Variants in ABAT observed in about 807,000 individuals in gnomAD.
The protein encoded by ABAT is 4-aminobutyrate aminotransferase, mitochondrial.
ABAT carries 45 observed loss-of-function variants against 64.6 expected under a neutral mutation model. The observed-to-expected ratio is 0.70, with a 90% CI of 0.55 to 0.89. The LOEUF (loss-of-function observed/expected upper bound fraction) is 0.89. Ranked by LOEUF, ABAT falls within the 40% of genes least tolerant of loss-of-function variation. The probability of loss-of-function intolerance (pLI) is 0.00; values close to 1 mark genes in which losing one functional copy is unlikely to be tolerated. For synonymous variants in ABAT, 297 were observed against 250.5 expected, an observed-to-expected ratio of 1.19 and a Z score of -1.75; for missense variants, 633 against 658.4, an observed-to-expected ratio of 0.96 and a Z score of 0.42.
chr16:8,709,190 C>T (rs753087860), intron 1 of ABAT, among the ~76,000 whole-genome samples: 5 of 151,940 alleles, frequency 3.3e-5, no homozygotes, highest in Non-Finnish European at 5.9e-5. Context: ...ATAGAATTAA[C>T]ATTAATTTCT....
chr16:8,754,792 C>T (rs1230726556), intron 5 of ABAT, among the ~76,000 whole-genome samples: 3 of 151,454 alleles, frequency 2.0e-5, no homozygotes. Context: ...AATCTCAGCT[C>T]ACTACAACCT....
intron 1 of ABAT, among the ~76,000 whole-genome samples, chr16:8,717,091 A>G (rs2058235559): frequency 6.6e-6 from 1 of 152,184 alleles, no homozygotes; most frequent in African/African-American, 2.4e-5. Context: ...GGAGTTTGAG[A>G]CCAGCCTGAC....
chr16:8,778,484 C>T (rs2041792704), intron 14 of ABAT, among the ~76,000 whole-genome samples: 1 of 152,030 alleles, frequency 6.6e-6, no homozygotes, highest in Non-Finnish European at 1.5e-5. Flanking sequence ...ATAAAGATAC[C>T]AGTCATTGAG....
intron 1 of ABAT, among the ~76,000 whole-genome samples, chr16:8,687,206 G>A (rs950954173): frequency 3.3e-5 from 5 of 152,120 alleles, no homozygotes; most frequent in Non-Finnish European, 2.9e-5. Context: ...GCCCTCCCAC[G>A]GAGCAGGTGC....
chr16:8,754,179 TAAAAAAAAAAAA>T (rs750745519), intron 5 of ABAT, among the ~76,000 whole-genome samples: 1 of 63,822 alleles, frequency 1.6e-5, no homozygotes, highest in African/African-American at 5.5e-5. Context: ...ACCCTGTCTA[TAAAAAAAAAAAA>T]AAAAAAAAAA....
chr16:8,738,300 G>A (rs886931442), intron 2 of ABAT: 21 of 411,076 alleles, frequency 5.1e-5, no homozygotes, highest in Non-Finnish European at 9.1e-5. Context: ...CAGCCTGGGT[G>A]GCCTTGTCTT....
At chr16:8,732,196 G>GTTTTTTT (rs746087281) in intron 1 of ABAT, among the ~76,000 whole-genome samples, 12 of 18,622 alleles carry the variant, frequency 6.4e-4, no homozygotes, top group East Asian at 3.1e-3. Context: ...GGTTTTTTTT[G>GTTTTTTT]TTTTTTTTTT....
chr16:8,707,990 A>T (rs2057986466), intron 1 of ABAT, among the ~76,000 whole-genome samples: 1 of 152,184 alleles, frequency 6.6e-6, no homozygotes, highest in African/African-American at 2.4e-5. Context: ...TGTCATGATT[A>T]AAATCAGTGG....
At chr16:8,712,747 G>A (rs957454059) in intron 1 of ABAT, 1 of 152,140 alleles carries the variant, frequency 6.6e-6, no homozygotes, top group Admixed American at 6.6e-5. Flanking sequence ...CCGGTATCTG[G>A]CTTGTAATAA....
At chr16:8,724,890 A>G (rs991890820) in intron 1 of ABAT, among the ~76,000 whole-genome samples, 4 of 150,774 alleles carry the variant, frequency 2.7e-5, no homozygotes, top group Non-Finnish European at 5.9e-5. Flanking sequence ...CCCATCTACA[A>G]AAGACAGCCA....
chr16:8,728,407 C>T (rs1410610579), intron 1 of ABAT, among the ~76,000 whole-genome samples: 5 of 152,146 alleles, frequency 3.3e-5, no homozygotes, highest in East Asian at 1.9e-4. Context: ...GTTTCAAAAA[C>T]GTGTTTAATG....
Position 8,781,059 on chromosome 16 carries a change from A to G in ABAT, c.1382-250A>G, listed in dbSNP as rs1596475396. Among the ~76,000 whole-genome samples the G allele has an allele frequency of 6.6e-6, 1 of 152,054 alleles. No individual in the cohort carries two copies. Among genetic ancestry groups the G allele is most frequent in the Non-Finnish European group, 1.5e-5 (1 of 68,002 alleles). On this transcript the variant is annotated intron_variant, in intron 15 of 15. Coordinates refer to ENST00000268251, the MANE Select transcript of ABAT (RefSeq NM_020686.6). This position sits in a 1 kb window ranked among gnomAD's most constrained non-coding sequence, Gnocchi z 4.5. Reference sequence around the variant, plus strand: ...AAAGGAGAGAGGGAGGGAGGAAGGGAAAAAGGAAGTGTGGAGGGAAGGAAA... The same window carrying G: ...AAAGGAGAGAGGGAGGGAGGAAGGGGAAAAGGAAGTGTGGAGGGAAGGAAA...
At chr16:8,689,375 C>G (rs1431287476) in intron 1 of ABAT, among the ~76,000 whole-genome samples, 1 of 152,232 alleles carries the variant, frequency 6.6e-6, no homozygotes, top group African/African-American at 2.4e-5. Context: ...CACATCTTGA[C>G]TGCTGTAGCC....
In ABAT at chr16:8,776,243, T is replaced by A; in HGVS notation, c.1123-101T>A. 6.5e-7 allele frequency: 1 copy of A among 1,535,646 alleles called. No individual in the cohort carries two copies. The highest frequency in any genetic ancestry group is 9.0e-7 in the Non-Finnish European group (1 of 1,116,638). On this transcript the variant is annotated intron_variant, in intron 13 of 15. Transcript: ENST00000268251. This position sits in a 1 kb window ranked among gnomAD's most constrained non-coding sequence, Gnocchi z 4.4. ...CTCTGGTAGATGCCCACTAGATTAG[T>A]TTCTCTCCTCTTCAAGAGAGGAGGC...
intron 12 of ABAT, among the ~76,000 whole-genome samples, chr16:8,773,872 G>C (rs904409887): frequency 6.6e-6 from 1 of 152,148 alleles, no homozygotes; most frequent in African/African-American, 2.4e-5. Flanking sequence ...CATTGCTAAT[G>C]ACATAATTTC....
intron 1 of ABAT, among the ~76,000 whole-genome samples, chr16:8,696,091 A>G (rs1165603728): frequency 6.6e-6 from 1 of 152,172 alleles, no homozygotes; most frequent in Non-Finnish European, 1.5e-5. Context: ...AACTTATTGA[A>G]GATTGCAGCC....
At chr16:8,721,414 C>T (rs1306758675) in intron 1 of ABAT, among the ~76,000 whole-genome samples, 1 of 152,132 alleles carries the variant, frequency 6.6e-6, no homozygotes. Flanking sequence ...GAGCTTCCCC[C>T]GGTGCCCAGG....
chr16:8,697,498 G>C (rs964547683), intron 1 of ABAT, among the ~76,000 whole-genome samples: 1 of 152,148 alleles, frequency 6.6e-6, no homozygotes, highest in African/African-American at 2.4e-5. Flanking sequence ...GGATGATCTG[G>C]AAATGCCCGG....
At chr16:8,691,638 G>A (rs550534514) in intron 1 of ABAT, among the ~76,000 whole-genome samples, 32 of 152,226 alleles carry the variant, frequency 2.1e-4, no homozygotes, top group African/African-American at 6.7e-4. Context: ...AGGGGGTTTC[G>A]CCATGTTGGC....
Sources: allele counts gnomAD v4.1 joint callset (sites outside exome capture counted in the v4.1 genomes callset), GRCh38; gene constraint gnomAD v4.1.1; non-coding constraint Gnocchi (gnomAD v3.1); transcripts MANE v1.5; gene names NCBI Gene and HGNC (gene_info 2026-07-23, HGNC 2026-07-21).